Variants in FAT2 observed in about 807,000 individuals in gnomAD.
The protein encoded by FAT2 is protocadherin Fat 2.
A neutral mutation model predicts 295.3 loss-of-function variants in FAT2; 150 were observed. The observed-to-expected ratio is 0.51, with a 90% confidence interval of 0.44 to 0.58. FAT2 has a LOEUF of 0.58. Among genes scored for constraint, FAT2 ranks in the 20% least tolerant of loss-of-function variants. The probability of loss-of-function intolerance (pLI) is 0.00; values close to 1 mark genes in which losing one functional copy is unlikely to be tolerated. For missense variants in FAT2, 4,868 were observed against 5,442.7 expected, an observed-to-expected ratio of 0.89 and a Z score of 3.32; for synonymous variants, 2,026 against 2,150.3, an observed-to-expected ratio of 0.94 and a Z score of 1.60.
At chr5:151,593,216 C>T (rs143787620), upstream of FAT2, among the ~76,000 whole-genome samples, 7 of 152,336 alleles carry the variant, frequency 4.6e-5, no homozygotes, top group East Asian at 1.9e-4. Context: ...AAGTTTGGTC[C>T]GATTAGGCAT....
chr5:151,579,591 A>G (rs1758866790), intron 1 of FAT2, among the ~76,000 whole-genome samples: 2 of 152,298 alleles, frequency 1.3e-5, no homozygotes, highest in South Asian at 4.1e-4. Context: ...ATAAATAAAT[A>G]ATTTTAAAAA....
intron 1 of FAT2, among the ~76,000 whole-genome samples, chr5:151,589,196 G>T (rs1336451825): frequency 6.6e-6 from 1 of 152,104 alleles, no homozygotes; most frequent in East Asian, 1.9e-4. Flanking sequence ...TATCCAGGGG[G>T]TACAGGCATG....
At chr5:151,561,419 C>T (rs1298955230) in intron 3 of FAT2, among the ~76,000 whole-genome samples, 2 of 151,946 alleles carry the variant, frequency 1.3e-5, no homozygotes, top group Admixed American at 6.6e-5. Context: ...GAGACAGGCT[C>T]TTGTTCTGTC....
At chr5:151,523,762 G>A (rs1426713257) in intron 18 of FAT2, among the ~76,000 whole-genome samples, 1 of 152,094 alleles carries the variant, frequency 6.6e-6, no homozygotes, top group African/African-American at 2.4e-5. Context: ...CCAATTCCCA[G>A]CTACCCACTG....
rs1241429453 is a variant in FAT2, at chr5:151,551,457, G to C, written c.4296+10C>G. On this transcript the variant is annotated intron_variant, in intron 7 of 23. Transcript: ENST00000261800. ...TCTCAATACAGGGGTCCCCAGCCGA[G>C]GCCTCTAACCTGTGTGGCAATGGTG... 1.2e-6 allele frequency: 2 copies of C among 1,613,154 alleles called. No individual in the cohort carries two copies. Among genetic ancestry groups the C allele is most frequent in the African/African-American group, 1.3e-5 (1 of 74,896 alleles).
At chr5:151,519,672 A>G (rs1216451834) in intron 19 of FAT2, among the ~76,000 whole-genome samples, 4 of 152,204 alleles carry the variant, frequency 2.6e-5, no homozygotes, top group Non-Finnish European at 5.9e-5. Flanking sequence ...CTACACAGAT[A>G]TATTTGCTTT....
chr5:151,530,603 A>G (rs1754485019), intron 14 of FAT2, among the ~76,000 whole-genome samples: 1 of 152,258 alleles, frequency 6.6e-6, no homozygotes, highest in South Asian at 2.1e-4. Context: ...TGGGGATACT[A>G]ACAAACCAGT....
rs1187210056 is a variant in FAT2 at position 151,517,645 on chromosome 5, T to C, written c.11438A>G (p.Asn3813Ser). The C allele has an allele frequency of 1.9e-6, 3 of 1,614,030 alleles. No individual in the cohort carries two copies. Among genetic ancestry groups the C allele is most frequent in the East Asian group, 2.2e-5 (1 of 44,892 alleles). Residue 3813 changes from asparagine to serine, a missense_variant, in exon 20 of 24, where the codon AAT (asparagine) becomes AGT (serine). By Grantham distance (46) the Asn-to-Ser change is conservative (BLOSUM62 1). This residue lies in a region of FAT2 where 1,046 missense variants were observed against 1,210.1 expected (regional missense o/e 0.86). Transcript: ENST00000261800. ...CTTCAGGGAGACGGACGCTGTTTCA[T>C]TGGTGAATAGAAGAATGGCCTGTGG... ...LQPQAILLFT[N>S]ETASVSLKLA...
chr5:151,509,818 G>T, intron 22 of FAT2: 4 of 591,340 alleles, frequency 6.8e-6, no homozygotes, highest in South Asian at 2.6e-5. Flanking sequence ...TCTCCTGCCT[G>T]GTCCGTGGAA....
rs548759331 is a variant in FAT2, at chr5:151,564,830, T to C, written c.3259+843A>G. Among the ~76,000 whole-genome samples the C allele has an allele frequency of 1.1e-4, 16 of 152,308 alleles. No individual in the cohort carries two copies. In the South Asian group the frequency reaches 3.1e-3, roughly 30 times the overall value. On this transcript the variant is annotated intron_variant, in intron 2 of 23. Transcript: ENST00000261800. ...GCTCATGCCTGTAGTCCTAGCACTT[T>C]GGGAGGCCAAGACGGGTGGATCACC... is the stretch of plus-strand genomic sequence containing the variant.
rs779747024 is a variant in FAT2 at position 151,510,067 on chromosome 5, G to A, written c.12013C>T (p.Pro4005Ser). ...GGGCAGTTACAGGAAGCTCCTTTGG[G>A]GGAGAGGATGCAAGTTCCACCTTCC... is the stretch of plus-strand genomic sequence containing the variant. ...CLEGGTCILS[P>S]KGASCNCPHP... The change falls in exon 22 of 24, where the codon CCC (proline) becomes TCC (serine). Residue 4005 changes from proline to serine, a missense_variant. Around this residue, in one of 5 missense-constraint regions of FAT2, gnomAD observed 492 missense variants for 482.6 expected, o/e 1.02. Coordinates refer to ENST00000261800, the MANE Select transcript of FAT2 (RefSeq NM_001447.3). 3.7e-6 allele frequency: 6 copies of A among 1,614,178 alleles called. No homozygotes were observed. The highest frequency in any genetic ancestry group is 1.7e-4 in the Middle Eastern group (1 of 6,058).
At position 151,567,721 on chromosome 5, in the gene FAT2, A is replaced by G. The variant is rs201258878; in HGVS notation, c.1211T>C (p.Val404Ala). The change falls in exon 2 of 24, where the codon GTA becomes GCA. Residue 404 changes from valine (V) to alanine (A), a missense_variant. This residue lies in a region of FAT2 where 3,297 missense variants were observed against 3,669.4 expected (regional missense o/e 0.90). Transcript: ENST00000261800. ...AGTTCGAGCATTAAGTTTAAATCCT[A>G]CATTCTCTGAAGATGGCTTTAGAAC... ...QYVLKPSSEN[V>A]GFKLNARTGL... 4.3e-6 allele frequency: 7 copies of G among 1,614,150 alleles called. No homozygotes were observed. The highest frequency in any genetic ancestry group is 5.9e-6 in the Non-Finnish European group (7 of 1,180,038).
intron 16 of FAT2, 64 bp downstream of exon 16, chr5:151,527,931 GA>G: frequency 1.3e-6 from 2 of 1,570,114 alleles, no homozygotes; most frequent in Non-Finnish European, 1.7e-6. Context: ...TCATCTTCTG[GA>G]CCTGCAGTGG....
intron 4 of FAT2, 194 bp downstream of exon 4, chr5:151,556,150 A>G: frequency 3.3e-6 from 2 of 597,424 alleles, no homozygotes; most frequent in East Asian, 2.9e-5. Context: ...GCCTGGGCAC[A>G]GTTTCAGACT....
rs778149664 is a variant in FAT2, at chr5:151,521,628, G to A, written c.10965C>T (p.Leu3655=). The A allele has an allele frequency of 3.7e-6, 6 of 1,614,136 alleles. No individual in the cohort carries two copies. The highest frequency in any genetic ancestry group is 5.1e-6 in the Non-Finnish European group (6 of 1,180,032). Residue 3655 remains leucine (L), a synonymous_variant, in exon 19 of 24, where the codon CTC becomes CTT. Transcript: ENST00000261800. ...SDHWRNLQRF[L]SHKLDIKRAN... is the part of the protein sequence containing the mutation. ...CCCGTTTGATGTCCAGCTTATGGCTGAGGAACCTCTGCAGGTTCCGCCAGT... is the reference window on the plus strand; with the variant it reads ...CCCGTTTGATGTCCAGCTTATGGCTAAGGAACCTCTGCAGGTTCCGCCAGT...
rs1398450772 is a variant in FAT2, at chr5:151,505,441, A to T, written c.*124T>A. On this transcript the variant is annotated 3_prime_UTR_variant, in exon 24 of 24. Transcript: ENST00000261800. The stretch of plus-strand genomic sequence containing the variant: ...GGAAGAGCACATTTCAAGGGACAAC[A>T]GCCTGGGCTGAGGGCTTCCCTCCCA... 8.4e-7 allele frequency: 1 copy of T among 1,185,046 alleles called. No individual in the cohort carries two copies. Among genetic ancestry groups the T allele is most frequent in the East Asian group, 2.5e-5 (1 of 39,638 alleles). 73.4% of individuals were successfully genotyped at this position (1,185,046 alleles called of 1,614,324 possible).
rs1313150444 is a variant in FAT2 at position 151,505,840 on chromosome 5, G to A, written c.12775C>T (p.Pro4259Ser). 1 of 1,612,954 alleles carries A rather than the reference G, an allele frequency of 6.2e-7. No homozygotes were observed. The change falls in exon 24 of 24, where the codon CCC (proline) becomes TCC (serine). Residue 4259 changes from proline to serine, a missense_variant. Physicochemically the swap from Pro to Ser is moderately conservative, Grantham distance 74. This residue lies in a region of FAT2 where 492 missense variants were observed against 482.6 expected (regional missense o/e 1.02). Transcript: ENST00000261800. ...CAGGGGGCAACCAGGCGCTCCCGGG[G>A]ACTAGGGGGCCGAGAGGGCATCAGA... ...EDLMPSRPPSPRERLVAPCLN... is the reference protein window; with the variant it reads ...EDLMPSRPPSSRERLVAPCLN...
chr5:151,524,061 C>T (rs1753754937), intron 18 of FAT2, among the ~76,000 whole-genome samples: 1 of 152,142 alleles, frequency 6.6e-6, no homozygotes, highest in South Asian at 2.1e-4. Context: ...GTCTCAGCCC[C>T]ACTATCTCCA....
chr5:151,535,272 AG>A (rs1281754665), intron 12 of FAT2, among the ~76,000 whole-genome samples: 2 of 151,960 alleles, frequency 1.3e-5, no homozygotes, highest in African/African-American at 4.8e-5. Context: ...GTTAGGCCTC[AG>A]GAAGCACAAT....
Sources: allele counts gnomAD v4.1 joint callset (sites outside exome capture counted in the v4.1 genomes callset), GRCh38; gene constraint gnomAD v4.1.1; regional missense constraint gnomAD v4.1.1; transcripts MANE v1.5; gene names NCBI Gene and HGNC (gene_info 2026-07-23, HGNC 2026-07-21).